The following KICS2 variants were observed in gnomAD, a reference collection of about 807,000 sequenced individuals.
KICS2 encodes the protein KICSTOR subunit 2.
KICS2 carries 13 observed loss-of-function variants against 31.4 expected under a neutral mutation model. The observed-to-expected ratio is 0.41, with a 90% CI of 0.27 to 0.66. The LOEUF (loss-of-function observed/expected upper bound fraction) is 0.66. KICS2 is among the 30% of genes least tolerant of loss of function. The probability of loss-of-function intolerance (pLI) is 0.28; values close to 1 mark genes in which losing one functional copy is unlikely to be tolerated. For synonymous variants in KICS2, 209 were observed against 214.8 expected (o/e 0.97, Z 0.24); for missense variants, 455 against 545.4 (o/e 0.83, Z 1.65).
In KICS2 at chr12:64,195,310, G is replaced by A. The variant is rs139322910; in HGVS notation, c.522-652C>T. Among the ~76,000 whole-genome samples the A allele has an allele frequency of 1.0e-3, 158 of 152,308 alleles. 1 individual carries two copies. The highest frequency in any genetic ancestry group is 3.4e-3 in the Middle Eastern group (1 of 294). On this transcript the variant is annotated intron_variant, in intron 2 of 2. Transcript: ENST00000398055. ...AAACAAGGCATGCTCTTTTCAGAGT[G>A]TGGTCCTAAAGAGGCAGAGGTAAAA... is the stretch of plus-strand genomic sequence containing the variant.
intron 2 of KICS2, among the ~76,000 whole-genome samples, chr12:64,201,349 G>A (rs370422901): frequency 1.0e-3 from 89 of 87,260 alleles, no homozygotes; most frequent in African/African-American, 3.8e-3. Flanking sequence ...GTAAACTATC[G>A]CAAGAACAAA....
At chr12:64,196,355 G>A (rs1440380965) in intron 2 of KICS2, among the ~76,000 whole-genome samples, 15 of 151,436 alleles carry the variant, frequency 9.9e-5, no homozygotes, top group Middle Eastern at 3.2e-3. Context: ...CACCTCACAC[G>A]GCAGGGTATT....
At chr12:64,187,836 C>A (rs2037350982), downstream of KICS2, among the ~76,000 whole-genome samples, 1 of 152,016 alleles carries the variant, frequency 6.6e-6, no homozygotes, top group Non-Finnish European at 1.5e-5. Context: ...TGCAAATACA[C>A]TAAAAGTGAT....
intron 2 of KICS2, among the ~76,000 whole-genome samples, chr12:64,214,771 C>T (rs980564321): frequency 5.3e-5 from 8 of 152,050 alleles, no homozygotes; most frequent in Admixed American, 4.6e-4. Context: ...ATCTCAGCTA[C>T]GCAGGAGGCT....
intron 2 of KICS2, among the ~76,000 whole-genome samples, chr12:64,209,085 T>A (rs2037563058): frequency 6.6e-6 from 1 of 152,108 alleles, no homozygotes; most frequent in Non-Finnish European, 1.5e-5. Context: ...AAACCCAAGT[T>A]CTATTGCTCC....
At chr12:64,221,866 G>T in intron 1 of KICS2, 137 bp downstream of exon 1, 2 of 969,116 alleles carry the variant, frequency 2.1e-6, no homozygotes, top group Non-Finnish European at 3.0e-6. Flanking sequence ...AAGGAACGGT[G>T]GGAGGAGATC....
intron 2 of KICS2, among the ~76,000 whole-genome samples, chr12:64,199,069 A>G (rs1440701392): frequency 3.8e-5 from 3 of 78,216 alleles, no homozygotes; most frequent in African/African-American, 1.4e-4. Context: ...TCCAATCAAT[A>G]GAAAAAGAGG....
chr12:64,215,567 T>C, intron 2 of KICS2, 111 bp downstream of exon 2: 4 of 979,958 alleles, frequency 4.1e-6, no homozygotes, highest in South Asian at 1.7e-5. Flanking sequence ...CAGTTATTTA[T>C]TTCACAGTTA....
At chr12:64,214,665 G>T (rs945404083) in intron 2 of KICS2, among the ~76,000 whole-genome samples, 3 of 151,788 alleles carry the variant, frequency 2.0e-5, no homozygotes, top group African/African-American at 7.3e-5. Flanking sequence ...AGATCACAAG[G>T]TCAGGAGTTC....
At chr12:64,195,839 CG>C (rs2037430065) in intron 2 of KICS2, among the ~76,000 whole-genome samples, 1 of 149,438 alleles carries the variant, frequency 6.7e-6, no homozygotes, top group African/African-American at 2.5e-5. Context: ...AAAGGGGTGA[CG>C]GACGCACCTG....
rs1023609901 is a variant in KICS2 at position 64,194,548 on chromosome 12, G to C, written c.632C>G (p.Pro211Arg). Reference protein sequence around the residue: ...QAQVSEWKFLPSLVNLHSAHT... With the variant: ...QAQVSEWKFLRSLVNLHSAHT... Reference sequence around the variant, plus strand: ...CGCACTGTGTAAATTAACCAGAGATGGGAGGAACTTCCACTCTGAGACCTG... The same window carrying C: ...CGCACTGTGTAAATTAACCAGAGATCGGAGGAACTTCCACTCTGAGACCTG... Residue 211 changes from proline to arginine, a missense_variant, in exon 3 of 3, where the codon CCA (proline) becomes CGA (arginine). Pro to Arg is a moderately radical substitution (Grantham distance 103, BLOSUM62 -2). Transcript: ENST00000398055. 2 of 1,614,154 alleles carry C rather than the reference G, an allele frequency of 1.2e-6. No individual in the cohort carries two copies. Among genetic ancestry groups the C allele is most frequent in the East Asian group, 4.5e-5 (2 of 44,880 alleles).
At chr12:64,186,464 A>G (rs1374064036), downstream of KICS2, 1 of 152,214 alleles carries the variant, frequency 6.6e-6, no homozygotes, top group Non-Finnish European at 1.5e-5. Flanking sequence ...AAAGCGTGTT[A>G]AAGTATTTTT....
chr12:64,204,085 C>A (rs2935012), intron 2 of KICS2, among the ~76,000 whole-genome samples: 2 of 152,234 alleles, frequency 1.3e-5, no homozygotes, highest in African/African-American at 4.8e-5. Context: ...AAGCCATTAT[C>A]CTCAGCAAAC....
rs2037389186 is a variant in KICS2, at chr12:64,192,546, C to A, written c.*1296G>T. ...TACCTGCTGTGGACACCCAGTAAAA[C>A]AGTGGCTCCACACAATCATGGGAAA... On this transcript the variant is annotated 3_prime_UTR_variant, in exon 3 of 3. Transcript: ENST00000398055. 1.1e-6 allele frequency: 1 copy of A among 945,410 alleles called. No individual in the cohort carries two copies. Among genetic ancestry groups the A allele is most frequent in the Non-Finnish European group, 1.3e-6 (1 of 793,692 alleles). 58.6% of individuals were successfully genotyped at this position (945,410 alleles called of 1,614,324 possible).
chr12:64,189,624 CA>C (rs565165003), downstream of KICS2, among the ~76,000 whole-genome samples: 416 of 152,052 alleles, frequency 2.7e-3, 1 homozygote, highest in African/African-American at 8.8e-3. Flanking sequence ...ATAGACACTT[CA>C]AATACAAAGA....
chr12:64,195,452 T>TAG (rs2136688795), intron 2 of KICS2, among the ~76,000 whole-genome samples: 1 of 152,186 alleles, frequency 6.6e-6, no homozygotes, highest in East Asian at 1.9e-4. Context: ...GTACCTACTA[T>TAG]AAGCTTATAT....
intron 2 of KICS2, among the ~76,000 whole-genome samples, chr12:64,208,146 A>T (rs985154934): frequency 6.6e-6 from 1 of 152,156 alleles, no homozygotes; most frequent in Non-Finnish European, 1.5e-5. Flanking sequence ...AGTACCTGGG[A>T]TTACAGGCAC....
intron 2 of KICS2, among the ~76,000 whole-genome samples, chr12:64,211,678 A>G (rs2037583958): frequency 6.6e-6 from 1 of 152,222 alleles, no homozygotes; most frequent in East Asian, 1.9e-4. Flanking sequence ...TAAGTGGCTA[A>G]GAGGAAGGAA....
At position 64,215,853 on chromosome 12, in the gene KICS2, G is replaced by C; in HGVS notation, c.346C>G (p.Pro116Ala). The C allele has an allele frequency of 6.2e-7, 1 of 1,613,846 alleles. No homozygotes were observed. The highest frequency in any genetic ancestry group is 8.5e-7 in the Non-Finnish European group (1 of 1,179,918). ...TGRGALGGTAPHVEELLSHLS... is the reference protein window; with the variant it reads ...TGRGALGGTAAHVEELLSHLS... ...TGGGAAAGGAGTTCTTCCACGTGAG[G>C]AGCAGTCCCACCCAGGGCACCACGG... The change falls in exon 2 of 3, where the codon CCT (proline) becomes GCT (alanine). Residue 116 changes from proline to alanine, a missense_variant. Transcript: ENST00000398055.
Sources: allele counts gnomAD v4.1 joint callset (sites outside exome capture counted in the v4.1 genomes callset), GRCh38; gene constraint gnomAD v4.1.1; transcripts MANE v1.5; gene names NCBI Gene and HGNC (gene_info 2026-07-23, HGNC 2026-07-21).